The following KIF25 variants were observed in gnomAD, a reference collection of about 807,000 sequenced individuals.
The protein encoded by KIF25 is kinesin family member 25.
Under a neutral mutation model 32.9 loss-of-function variants are expected in KIF25, and 19 were observed. The observed-to-expected ratio is 0.58, with a 90% CI of 0.40 to 0.85. The LOEUF (loss-of-function observed/expected upper bound fraction) is 0.85, where lower values mean the gene tolerates loss of function less well. KIF25 is among the 40% of genes least tolerant of loss of function. The probability of loss-of-function intolerance (pLI) is 0.00; values close to 1 mark genes in which losing one functional copy is unlikely to be tolerated. For missense variants in KIF25, 485 were observed against 507.0 expected (o/e 0.96, Z 0.42); for synonymous variants, 225 against 213.7 (o/e 1.05, Z -0.46).
intron 4 of KIF25, among the ~76,000 whole-genome samples, chr6:168,013,002 T>C (rs760743958): frequency 6.6e-6 from 1 of 151,890 alleles, no homozygotes; most frequent in Admixed American, 6.6e-5. Context: ...GGGCCTGGGG[T>C]ACAGGTGCAA....
At position 167,998,639 on chromosome 6, in the gene KIF25, A is replaced by G. The variant is rs1798454889; in HGVS notation, c.-830A>G. 6.6e-6 allele frequency: 1 copy of G among 152,162 alleles called. No homozygotes were observed. Among genetic ancestry groups the G allele is most frequent in the African/African-American group, 2.4e-5 (1 of 41,436 alleles). 9.4% of individuals were successfully genotyped at this position (152,162 alleles called of 1,614,324 possible). On this transcript the variant is annotated 5_prime_UTR_variant, in exon 1 of 13. Transcript: ENST00000643607. ...ACTGAATTTCCAAAATCCCCTCTAA[A>G]ATGCCTAAAATGTCGAGCCCAGGAT...
intron 3 of KIF25, among the ~76,000 whole-genome samples, chr6:168,003,315 TAA>T (rs918509775): frequency 6.6e-6 from 1 of 150,850 alleles, no homozygotes; most frequent in African/African-American, 2.4e-5. Context: ...ACATAAAAAG[TAA>T]AGAGTAAAAA....
At chr6:168,038,457 T>G (rs955741158) in intron 8 of KIF25, 96 bp from the exon 9 acceptor site, 3 of 1,255,576 alleles carry the variant, frequency 2.4e-6, no homozygotes, top group South Asian at 1.3e-5. Flanking sequence ...GCAGTCTTAC[T>G]GAGCATCCTG....
intron 2 of KIF25, among the ~76,000 whole-genome samples, chr6:168,002,329 G>A (rs1008508404): frequency 4.7e-5 from 7 of 149,896 alleles, no homozygotes; most frequent in African/African-American, 9.9e-5. Context: ...GCGTGGCCTC[G>A]GGCAGGTGAG....
rs908656139 is a variant in KIF25, at chr6:168,039,175, T to A, written c.494+446T>A. Among the ~76,000 whole-genome samples, 15 of 152,192 alleles carry A rather than the reference T, an allele frequency of 9.9e-5. No homozygotes were observed. The East Asian group carries it at 1.2e-3, about 12-fold the overall frequency. On this transcript the variant is annotated intron_variant, in intron 9 of 12. Coordinates refer to ENST00000643607, the MANE Select transcript of KIF25 (RefSeq NM_030615.4). ...AAATTAAAATAAATAAATGTATCTT[T>A]AAAAAAACCTTCATAAGAGCCCCTC...
chr6:168,040,367 A>G (rs1462861254), intron 10 of KIF25, 151 bp downstream of exon 10: 1 of 730,372 alleles, frequency 1.4e-6, no homozygotes, highest in East Asian at 3.1e-5. Context: ...AGAGTTTGAG[A>G]CCAGCCTGGC....
chr6:168,004,263 G>A (rs1202390085), intron 4 of KIF25, among the ~76,000 whole-genome samples: 1 of 152,188 alleles, frequency 6.6e-6, no homozygotes, highest in Non-Finnish European at 1.5e-5. Context: ...AGCAAGGGAG[G>A]CCTCAGAACA....
intron 12 of KIF25, among the ~76,000 whole-genome samples, chr6:168,043,856 C>A (rs946977112): frequency 1.3e-5 from 2 of 152,204 alleles, no homozygotes; most frequent in African/African-American, 4.8e-5. Flanking sequence ...TAATTCTTAA[C>A]CCTCGTTACG....
chr6:168,022,029 C>T (rs79805986), intron 5 of KIF25, among the ~76,000 whole-genome samples: 2 of 152,260 alleles, frequency 1.3e-5, no homozygotes, highest in African/African-American at 2.4e-5. Context: ...CTGCTTGGGA[C>T]TTTTAATCTT....
At chr6:168,040,279 A>G in intron 10 of KIF25, 63 bp downstream of exon 10, 2 of 1,523,818 alleles carry the variant, frequency 1.3e-6, no homozygotes, top group Non-Finnish European at 8.8e-7. Context: ...AGAAGAAAAA[A>G]ATCAGGCCAG....
At chr6:168,009,434 G>T (rs1387628316) in intron 4 of KIF25, among the ~76,000 whole-genome samples, 1 of 152,082 alleles carries the variant, frequency 6.6e-6, no homozygotes, top group African/African-American at 2.4e-5. Flanking sequence ...CTTCATCATG[G>T]TGTATTATCT....
Position 168,032,835 on chromosome 6 carries a change from G to T in KIF25, c.168-1047G>T, listed in dbSNP as rs182028560. ...TCTCCCCAGATGACTCGGACGGGGG[G>T]TCAGGGCCGGAGATCCTGCTCTGAG... On this transcript the variant is annotated intron_variant, in intron 7 of 12. Coordinates refer to ENST00000643607, the MANE Select transcript of KIF25 (RefSeq NM_030615.4). 6.3e-3 allele frequency among the ~76,000 whole-genome samples: 965 copies of T among 152,314 alleles called. 3 individuals are homozygous for T. The highest frequency in any genetic ancestry group is 0.017 in the Middle Eastern group (5 of 294).
At chr6:168,041,898 A>G in intron 10 of KIF25, 71 bp from the exon 11 acceptor site, 2 of 1,462,564 alleles carry the variant, frequency 1.4e-6, no homozygotes, top group East Asian at 2.5e-5. Context: ...CTCGGCTCTG[A>G]CTGAGGCAAA....
chr6:168,030,189 G>T (rs1583139675), intron 6 of KIF25, among the ~76,000 whole-genome samples: 1 of 152,186 alleles, frequency 6.6e-6, no homozygotes, highest in South Asian at 2.1e-4. Flanking sequence ...AGAACCACAT[G>T]AGGTTTCCTT....
At chr6:168,009,915 A>G (rs1798626462) in intron 4 of KIF25, among the ~76,000 whole-genome samples, 1 of 151,644 alleles carries the variant, frequency 6.6e-6, no homozygotes, top group Admixed American at 6.6e-5. Context: ...AGCCGTTGTG[A>G]TATCTCTTTT....
chr6:168,001,545 GGCGTGGCCTCGGGC>G (rs1798501648), intron 2 of KIF25, among the ~76,000 whole-genome samples: 1 of 99,766 alleles, frequency 1.0e-5, no homozygotes, highest in East Asian at 5.4e-4. Flanking sequence ...CCTCATCTGA[GGCGTGGCCTCGGGC>G]AGGTGAGAAG....
intron 4 of KIF25, among the ~76,000 whole-genome samples, chr6:168,010,283 T>C (rs190377736): frequency 1.3e-5 from 2 of 152,228 alleles, no homozygotes; most frequent in East Asian, 3.9e-4. Flanking sequence ...CAGAGAATTT[T>C]AACTTTTTTG....
At chr6:168,034,376 A>G (rs1355313618) in intron 8 of KIF25, among the ~76,000 whole-genome samples, 1 of 152,098 alleles carries the variant, frequency 6.6e-6, no homozygotes, top group African/African-American at 2.4e-5. Flanking sequence ...CTCCCTCCTC[A>G]GCCTCCCGAG....
At chr6:168,019,253 A>G (rs1798755865) in intron 5 of KIF25, among the ~76,000 whole-genome samples, 1 of 152,232 alleles carries the variant, frequency 6.6e-6, no homozygotes. Flanking sequence ...ATTACCAGAC[A>G]TGATTCAAGG....
Sources: allele counts gnomAD v4.1 joint callset (sites outside exome capture counted in the v4.1 genomes callset), GRCh38; gene constraint gnomAD v4.1.1; transcripts MANE v1.5; gene names NCBI Gene and HGNC (gene_info 2026-07-23, HGNC 2026-07-21).